Variants in CCBE1 observed in about 807,000 individuals in gnomAD.
CCBE1 encodes collagen and calcium-binding EGF domain-containing protein 1.
A neutral mutation model predicts 50.0 loss-of-function variants in CCBE1; 37 were observed. That is an observed-to-expected ratio of 0.74 (90% CI 0.57 to 0.97). The LOEUF (loss-of-function observed/expected upper bound fraction) is 0.97, where lower values mean the gene tolerates loss of function less well. Ranked by LOEUF, CCBE1 falls within the 50% of genes least tolerant of loss-of-function variation. The pLI is 0.00. For missense variants in CCBE1, 538 were observed against 523.8 expected (o/e 1.03, Z -0.26); for synonymous variants, 234 against 203.7 (o/e 1.15, Z -1.27).
rs942632597 is a variant in CCBE1 at position 59,434,867 on chromosome 18, C to T, written c.*1041G>A. The T allele has an allele frequency of 3.3e-5, 5 of 152,082 alleles. No homozygotes were observed. The highest frequency in any genetic ancestry group is 9.7e-5 in the African/African-American group (4 of 41,386). The allele number at this position is 152,082 out of a possible 1,614,324, so 9.4% of individuals were successfully genotyped here. A position where few individuals can be genotyped will look rare whatever the true frequency, so the allele number is the denominator to read the frequency against. On this transcript the variant is annotated 3_prime_UTR_variant, in exon 11 of 11. Coordinates refer to ENST00000439986, the MANE Select transcript of CCBE1 (RefSeq NM_133459.4). ...ACCCAAGGAGAAAAAATTTACCTAC[C>T]GCTGCTGATGGCATTAGTGAGGTCA...
At chr18:59,526,832 T>C (rs1270325948) in intron 2 of CCBE1, among the ~76,000 whole-genome samples, 1 of 152,240 alleles carries the variant, frequency 6.6e-6, no homozygotes, top group African/African-American at 2.4e-5. Flanking sequence ...AGTGAGTTTC[T>C]TACTCTTGAG....
chr18:59,499,753 T>C (rs1261443398), intron 2 of CCBE1, among the ~76,000 whole-genome samples: 1 of 152,186 alleles, frequency 6.6e-6, no homozygotes, highest in Non-Finnish European at 1.5e-5. Context: ...GTAAGCACTG[T>C]CTTCTCTAGG....
chr18:59,672,431 C>T (rs1568266278), intron 2 of CCBE1, among the ~76,000 whole-genome samples: 1 of 152,186 alleles, frequency 6.6e-6, no homozygotes. Flanking sequence ...TCAAAAGCTG[C>T]CTCAGACTGC....
chr18:59,579,378 C>G (rs1242260638), intron 2 of CCBE1, among the ~76,000 whole-genome samples: 1 of 150,956 alleles, frequency 6.6e-6, no homozygotes, highest in African/African-American at 2.5e-5. Flanking sequence ...CAGCTGACCA[C>G]TAGAATCACA....
intron 2 of CCBE1, among the ~76,000 whole-genome samples, chr18:59,604,680 A>G (rs543491415): frequency 5.0e-4 from 76 of 152,362 alleles, no homozygotes; most frequent in Non-Finnish European, 7.6e-4. Context: ...GATTGCTTCA[A>G]TAGGCATTTG....
intron 6 of CCBE1, among the ~76,000 whole-genome samples, chr18:59,451,821 G>C (rs960997788): frequency 9.2e-5 from 14 of 152,106 alleles, no homozygotes; most frequent in African/African-American, 3.4e-4. Context: ...AATAAAAAAA[G>C]TAAGCACCCT....
chr18:59,617,042 G>A (rs972855633), intron 2 of CCBE1, among the ~76,000 whole-genome samples: 5 of 152,188 alleles, frequency 3.3e-5, no homozygotes, highest in African/African-American at 4.8e-5. Context: ...AATTAGATAA[G>A]GGACTGACAC....
chr18:59,625,202 C>T (rs1470998739), intron 2 of CCBE1, among the ~76,000 whole-genome samples: 4 of 152,122 alleles, frequency 2.6e-5, no homozygotes, highest in Admixed American at 6.5e-5. Context: ...GAGGCTGAGG[C>T]GGGTGGATCA....
chr18:59,526,055 T>C (rs1914806455), intron 2 of CCBE1, among the ~76,000 whole-genome samples: 1 of 152,212 alleles, frequency 6.6e-6, no homozygotes, highest in Non-Finnish European at 1.5e-5. Context: ...TTGCTTAAGA[T>C]TGTCCTGGCT....
chr18:59,587,932 T>G (rs1482756005), intron 2 of CCBE1, among the ~76,000 whole-genome samples: 1 of 152,182 alleles, frequency 6.6e-6, no homozygotes, highest in Admixed American at 6.5e-5. Context: ...AGCAATAAGT[T>G]GGAGAAAAGA....
At chr18:59,524,191 A>G (rs1914721520) in intron 2 of CCBE1, among the ~76,000 whole-genome samples, 1 of 152,166 alleles carries the variant, frequency 6.6e-6, no homozygotes, top group African/African-American at 2.4e-5. Context: ...ATGGTGGTAC[A>G]TGCCCGTAAT....
intron 2 of CCBE1, among the ~76,000 whole-genome samples, chr18:59,547,075 G>GACAGAGGGGC (rs1915724652): frequency 8.7e-6 from 1 of 115,032 alleles, no homozygotes; most frequent in Non-Finnish European, 1.8e-5. Flanking sequence ...GAGAGAGGGG[G>GACAGAGGGGC]AGAGAAAGGG....
At chr18:59,633,744 T>TTTTTTA (rs375734821) in intron 2 of CCBE1, among the ~76,000 whole-genome samples, 1 of 151,476 alleles carries the variant, frequency 6.6e-6, no homozygotes, top group African/African-American at 2.4e-5. Context: ...TTTTTTTTTT[T>TTTTTTA]AAAATAAAAC....
chr18:59,648,351 C>A (rs566079570), intron 2 of CCBE1, among the ~76,000 whole-genome samples: 4 of 152,220 alleles, frequency 2.6e-5, no homozygotes, highest in Admixed American at 2.6e-4. Context: ...CTGGGCCTCA[C>A]AGAACCCTGT....
At chr18:59,590,059 T>A (rs1031984744) in intron 2 of CCBE1, among the ~76,000 whole-genome samples, 1 of 152,144 alleles carries the variant, frequency 6.6e-6, no homozygotes, top group South Asian at 2.1e-4. Context: ...CATCTTTACT[T>A]ACCTTTCTTA....
At chr18:59,541,385 T>C (rs1251607749) in intron 2 of CCBE1, among the ~76,000 whole-genome samples, 1 of 152,204 alleles carries the variant, frequency 6.6e-6, no homozygotes, top group Non-Finnish European at 1.5e-5. Flanking sequence ...CAAAAAATTC[T>C]ACATTAAATA....
rs187148297 is a variant in CCBE1, at chr18:59,431,977, C to T, written c.*3931G>A. ...CATGTACTATTTTCTTTTTTCGAGA[C>T]GGAGTCTCACTCTGTAGCCAGGCTG... is the stretch of plus-strand genomic sequence containing the variant. On this transcript the variant is annotated 3_prime_UTR_variant, in exon 11 of 11. Transcript: ENST00000439986. 9.9e-4 allele frequency: 151 copies of T among 152,294 alleles called. 1 individual carries two copies. The East Asian group carries it at 0.014, about 14-fold the overall frequency. 9.4% of individuals were successfully genotyped at this position (152,294 alleles called of 1,614,324 possible).
chr18:59,674,192 A>T (rs1485552986), intron 2 of CCBE1, among the ~76,000 whole-genome samples: 2 of 152,240 alleles, frequency 1.3e-5, no homozygotes, highest in Non-Finnish European at 2.9e-5. Context: ...TTATTGCAGC[A>T]GTATTCACAA....
At chr18:59,580,686 G>A (rs914283256) in intron 2 of CCBE1, among the ~76,000 whole-genome samples, 4 of 152,172 alleles carry the variant, frequency 2.6e-5, no homozygotes, top group African/African-American at 9.7e-5. Flanking sequence ...GGACGAGGGT[G>A]GGGGATCCTG....
Sources: allele counts gnomAD v4.1 joint callset (sites outside exome capture counted in the v4.1 genomes callset), GRCh38; gene constraint gnomAD v4.1.1; transcripts MANE v1.5; gene names NCBI Gene and HGNC (gene_info 2026-07-23, HGNC 2026-07-21).